WDR44: variants seen among roughly 807,000 people sequenced by gnomAD.
WDR44 encodes the protein WD repeat domain 44.
Under a neutral mutation model 65.7 loss-of-function variants are expected in WDR44, and 9 were observed. That is an observed-to-expected ratio of 0.14 (90% confidence interval 0.08 to 0.24). The LOEUF is 0.24. Among genes scored for constraint, WDR44 ranks in the 10% least tolerant of loss-of-function variants. The pLI is 1.00. For missense variants in WDR44, 425 were observed against 670.9 expected (o/e 0.63, Z 4.05); for synonymous variants, 220 against 235.2 (o/e 0.94, Z 0.59).
chrX:118,409,443 C>T, intron 10 of WDR44, 46 bp from the exon 11 acceptor site: 1 of 1,190,621 alleles, frequency 8.4e-7, no homozygotes, highest in Non-Finnish European at 1.1e-6. Flanking sequence ...AGTAAAGTCT[C>T]TAAAGGTGTA....
rs1018240791 is a variant in WDR44, at chrX:118,356,161, A to G, written c.77+9581A>G. 2.7e-5 allele frequency among the ~76,000 whole-genome samples: 3 copies of G among 112,474 alleles called. No individual in the cohort carries two copies. The Admixed American group carries it at 2.8e-4, about 11-fold the overall frequency. On this transcript the variant is annotated intron_variant, in intron 1 of 19. Coordinates refer to ENST00000254029, the MANE Select transcript of WDR44 (RefSeq NM_019045.5). ...TTTTAAAAAGTTACTGTTTCAAACA[A>G]TGAAAAGCAGTATTTTTATGCCCTT... is the stretch of plus-strand genomic sequence containing the variant.
chrX:118,352,315 AATTTATATATATATATATATAT>A (rs2056413157), intron 1 of WDR44, among the ~76,000 whole-genome samples: 1 of 46,238 alleles, frequency 2.2e-5, no homozygotes, highest in African/African-American at 1.1e-4. Flanking sequence ...ACGCCCAGCT[AATTTATATATATATATATATAT>A]ATATATATAT....
intron 5 of WDR44, 114 bp downstream of exon 5, chrX:118,394,299 C>T: frequency 9.7e-7 from 1 of 1,035,735 alleles, no homozygotes. Flanking sequence ...TCCTCCAAAC[C>T]TGACCCCCTT....
In WDR44 at chrX:118,361,880, T is replaced by TGGAGAAAAACCAATAATTGCCC. The variant is rs2056515147; in HGVS notation, c.77+15301_77+15322dup. Reference sequence around the variant, plus strand: ...TGGAAAAGGTGTTCCTATAATTGCCTGGAGAAAAACCAATAATTGCCCAGA... The same window carrying TGGAGAAAAACCAATAATTGCCC: ...TGGAAAAGGTGTTCCTATAATTGCCTGGAGAAAAACCAATAATTGCCCGGAGAAAAACCAATAATTGCCCAGA... On this transcript the variant is annotated intron_variant, in intron 1 of 19. Coordinates refer to ENST00000254029, the MANE Select transcript of WDR44 (RefSeq NM_019045.5). 2.7e-5 allele frequency among the ~76,000 whole-genome samples: 3 copies of TGGAGAAAAACCAATAATTGCCC among 112,530 alleles called. No homozygotes were observed. In the South Asian group the frequency reaches 1.1e-3, roughly 41 times the overall value.
In WDR44 at chrX:118,393,137, C is replaced by T; in HGVS notation, c.692C>T (p.Pro231Leu). ...EPDIVASTKK[P>L]VPARPPPPTN... ...GATATAGTGGCTAGTACAAAGAAGC[C>T]TGTTCCAGCACGCCCACCTCCTCCA... The change falls in exon 4 of 20, where the codon CCT becomes CTT. Residue 231 changes from proline (P) to leucine (L), a missense_variant. Coordinates refer to ENST00000254029, the MANE Select transcript of WDR44 (RefSeq NM_019045.5). 1 of 1,212,124 alleles carries T rather than the reference C, an allele frequency of 8.2e-7. No individual in the cohort carries two copies. Among genetic ancestry groups the T allele is most frequent in the Non-Finnish European group, 1.1e-6 (1 of 895,614 alleles).
chrX:118,368,538 A>G (rs1470426982), intron 1 of WDR44, among the ~76,000 whole-genome samples: 1 of 97,903 alleles, frequency 1.0e-5, no homozygotes, highest in African/African-American at 4.1e-5. Context: ...GTCTTGGCTG[A>G]TACATGGATG....
chrX:118,446,331 G>A (rs746691863), intron 19 of WDR44, among the ~76,000 whole-genome samples: 18 of 110,556 alleles, frequency 1.6e-4, no homozygotes, highest in Non-Finnish European at 3.2e-4. Flanking sequence ...CTGTAATCCC[G>A]GGTATTTGGG....
chrX:118,426,761 C>T (rs1348934520), intron 12 of WDR44, among the ~76,000 whole-genome samples: 4 of 89,316 alleles, frequency 4.5e-5, no homozygotes, highest in Admixed American at 1.6e-4. Context: ...GTAATTCTAC[C>T]TTTAATAATT....
Position 118,442,361 on chromosome X carries a change from A to G in WDR44, c.2268+16A>G, listed in dbSNP as rs2057310794. On this transcript the variant is annotated intron_variant, in intron 16 of 19. Transcript: ENST00000254029. ...AGAAAATAAGGTACTACAGTATTCA[A>G]AACCATCTCTCTCCATACTATATGT... 2 of 1,130,809 alleles carry G rather than the reference A, an allele frequency of 1.8e-6. No homozygotes were observed. Among genetic ancestry groups the G allele is most frequent in the Admixed American group, 2.2e-5 (1 of 44,703 alleles). The allele number at this position is 1,130,809 out of a possible 1,213,427, so 93.2% of individuals were successfully genotyped here. A position where few individuals can be genotyped will look rare whatever the true frequency, so the allele number is the denominator to read the frequency against.
intron 8 of WDR44, among the ~76,000 whole-genome samples, chrX:118,400,820 TC>T (rs2056906278): frequency 1.1e-5 from 1 of 88,907 alleles, no homozygotes. Context: ...CCCTCCCCAC[TC>T]CCCCCACCCC....
chrX:118,384,601 C>T (rs1004325240), intron 2 of WDR44, among the ~76,000 whole-genome samples: 1 of 111,702 alleles, frequency 9.0e-6, no homozygotes, highest in Non-Finnish European at 1.9e-5. Context: ...AGTTTGAAGT[C>T]GGGTAGCATG....
intron 12 of WDR44, among the ~76,000 whole-genome samples, chrX:118,413,410 AGG>A (rs1435260724): frequency 5.4e-5 from 6 of 111,854 alleles, no homozygotes; most frequent in African/African-American, 2.0e-4. Flanking sequence ...TATCACATCG[AGG>A]TTTTGATTTA....
chrX:118,352,134 GTTGT>G (rs1375331063), intron 1 of WDR44, among the ~76,000 whole-genome samples: 1 of 86,958 alleles, frequency 1.1e-5, no homozygotes, highest in East Asian at 3.8e-4. Context: ...TAAAATTTGT[GTTGT>G]TTGTTTTTTG....
intron 2 of WDR44, among the ~76,000 whole-genome samples, chrX:118,379,975 G>A (rs1444035556): frequency 7.2e-5 from 8 of 111,018 alleles, no homozygotes; most frequent in Admixed American, 6.8e-4. Flanking sequence ...GCCATTTAGC[G>A]CTAAGATATT....
chrX:118,396,949 G>A, intron 6 of WDR44, 21 bp from the exon 7 acceptor site: 1 of 903,771 alleles, frequency 1.1e-6, no homozygotes, highest in South Asian at 2.5e-5. Flanking sequence ...TGGTGTGATT[G>A]TTTTTTTTTT....
chrX:118,387,075 G>A (rs758157962), intron 2 of WDR44, among the ~76,000 whole-genome samples: 2 of 107,514 alleles, frequency 1.9e-5, no homozygotes, highest in African/African-American at 3.4e-5. Flanking sequence ...CCAGCTACTC[G>A]GGAGGCTGAG....
At chrX:118,361,410 C>T (rs1464012946) in intron 1 of WDR44, among the ~76,000 whole-genome samples, 1 of 111,844 alleles carries the variant, frequency 8.9e-6, no homozygotes, top group Non-Finnish European at 1.9e-5. Flanking sequence ...TTTATGGTCT[C>T]TGGCTCTTTG....
At chrX:118,375,811 A>G (rs758093732) in intron 1 of WDR44, among the ~76,000 whole-genome samples, 21 of 112,355 alleles carry the variant, frequency 1.9e-4, no homozygotes, top group Middle Eastern at 4.6e-3. Flanking sequence ...AATGGGTACT[A>G]TTTTATGACA....
At chrX:118,421,661 AG>A (rs2057106189) in intron 12 of WDR44, among the ~76,000 whole-genome samples, 3 of 111,903 alleles carry the variant, frequency 2.7e-5, no homozygotes, top group African/African-American at 9.7e-5. Flanking sequence ...AATATATAAA[AG>A]TATTGTACAG....
Sources: allele counts gnomAD v4.1 joint callset (sites outside exome capture counted in the v4.1 genomes callset), GRCh38; gene constraint gnomAD v4.1.1; transcripts MANE v1.5; gene names NCBI Gene and HGNC (gene_info 2026-07-23, HGNC 2026-07-21).